Variants in TTC28 observed in about 807,000 individuals in gnomAD.
TTC28 encodes tetratricopeptide repeat domain 28, also known as tetratricopeptide repeat protein 28.
In TTC28, 61 loss-of-function variants were observed where a neutral mutation model predicts 198.0. The ratio of observed to expected loss-of-function variants is 0.31; its 90% CI spans 0.25 to 0.38. The LOEUF (loss-of-function observed/expected upper bound fraction) is 0.38. Ranked by LOEUF, TTC28 falls within the 10% of genes least tolerant of loss-of-function variation. The pLI, the probability that TTC28 is intolerant of heterozygous loss-of-function variation, is 1.00. For missense variants in TTC28, 2,678 were observed against 3,164.0 expected (o/e 0.85, Z 3.69); for synonymous variants, 1,171 against 1,297.8 (o/e 0.90, Z 2.10).
chr22:28,497,064 G>C (rs1246927970), intron 2 of TTC28, among the ~76,000 whole-genome samples: 1 of 152,036 alleles, frequency 6.6e-6, no homozygotes, highest in African/African-American at 2.4e-5. Flanking sequence ...GACCCTATTT[G>C]AAATTGTAAT....
intron 2 of TTC28, among the ~76,000 whole-genome samples, chr22:28,528,692 C>G (rs1297222077): frequency 7.2e-6 from 1 of 139,588 alleles, no homozygotes; most frequent in African/African-American, 2.6e-5. Context: ...ACTGAGATCA[C>G]ACCACTGCAT....
chr22:28,032,189 A>AT (rs1939127349), intron 12 of TTC28, among the ~76,000 whole-genome samples: 1 of 73,302 alleles, frequency 1.4e-5, no homozygotes, highest in Admixed American at 1.8e-4. Context: ...TATATATATA[A>AT]AATATATATA....
chr22:28,036,064 C>T (rs949444812), intron 12 of TTC28, among the ~76,000 whole-genome samples: 3 of 152,062 alleles, frequency 2.0e-5, no homozygotes, highest in Non-Finnish European at 4.4e-5. Flanking sequence ...ACCCCTCTGT[C>T]GATATTAGAC....
chr22:28,105,934 A>G lies in TTC28; in HGVS notation c.2784-132T>C, dbSNP rs140853036. 1,119 of 1,132,128 alleles carry G rather than the reference A, an allele frequency of 9.9e-4. 4 individuals are homozygous for G. The highest frequency in any genetic ancestry group is 7.2e-3 in the Middle Eastern group (24 of 3,340). 70.1% of individuals were successfully genotyped at this position (1,132,128 alleles called of 1,614,324 possible). A position where few individuals can be genotyped will look rare whatever the true frequency, so the allele number is the denominator to read the frequency against. The stretch of plus-strand genomic sequence containing the variant: ...AGCTCTTAACTCCTCTTCTAGCTAA[A>G]ATCTATCATGTGCCCTTAGAGTGAG... On this transcript the variant is annotated intron_variant, in intron 7 of 22. Coordinates refer to ENST00000397906, the MANE Select transcript of TTC28 (RefSeq NM_001145418.2).
intron 6 of TTC28, among the ~76,000 whole-genome samples, chr22:28,161,724 A>G (rs1372653850): frequency 6.1e-5 from 7 of 114,204 alleles, no homozygotes; most frequent in Non-Finnish European, 1.3e-4. Flanking sequence ...GAAAGGAAAG[A>G]GGACAGGACA....
chr22:28,155,825 G>A (rs1476388010), intron 6 of TTC28, among the ~76,000 whole-genome samples: 1 of 152,134 alleles, frequency 6.6e-6, no homozygotes, highest in Non-Finnish European at 1.5e-5. Flanking sequence ...CTATAATGTG[G>A]CATACAATAT....
chr22:28,298,967 A>T (rs534344909), intron 3 of TTC28, among the ~76,000 whole-genome samples: 3 of 152,224 alleles, frequency 2.0e-5, no homozygotes, highest in African/African-American at 7.2e-5. Context: ...GAATTTATTT[A>T]TTAAGATGGA....
At chr22:28,581,405 G>A (rs1284126282) in intron 2 of TTC28, among the ~76,000 whole-genome samples, 2 of 152,158 alleles carry the variant, frequency 1.3e-5, no homozygotes, top group Non-Finnish European at 2.9e-5. Flanking sequence ...GACATCCTTT[G>A]AGATAATACA....
chr22:28,052,367 C>T (rs1940121729), intron 12 of TTC28, among the ~76,000 whole-genome samples: 1 of 152,118 alleles, frequency 6.6e-6, no homozygotes. Flanking sequence ...ACTATTATTC[C>T]TATTTCGTAG....
At chr22:28,457,801 T>C (rs2047885695) in intron 2 of TTC28, among the ~76,000 whole-genome samples, 1 of 152,188 alleles carries the variant, frequency 6.6e-6, no homozygotes, top group Non-Finnish European at 1.5e-5. Context: ...GCCACATAAA[T>C]TTCAAATTAA....
rs1569094729 is a variant in TTC28, at chr22:28,032,192, TATATATATATAAAATATATATATATAAA to T, written c.3933-1854_3933-1827del. On this transcript the variant is annotated intron_variant, in intron 12 of 22. Coordinates refer to ENST00000397906, the MANE Select transcript of TTC28 (RefSeq NM_001145418.2). ...TGTATATATATATATATATATAAAA[TATATATATATAAAATATATATATATAAA>T]ATATATATATATAAAATATATATAT... Among the ~76,000 whole-genome samples, 28 of 112,526 alleles carry T rather than the reference TATATATATATAAAATATATATATATAAA, an allele frequency of 2.5e-4. No individual in the cohort carries two copies. The South Asian group carries it at 2.6e-3, about 11-fold the overall frequency. The allele number at this position is 112,526 out of a possible 152,430, so 73.8% of individuals were successfully genotyped here.
intron 2 of TTC28, among the ~76,000 whole-genome samples, chr22:28,510,624 C>G (rs139009891): frequency 6.6e-6 from 1 of 152,030 alleles, no homozygotes; most frequent in African/African-American, 2.4e-5. Flanking sequence ...AGGATGCCCC[C>G]TCTCCAACAT....
rs1314652343 is a variant in TTC28, at chr22:28,542,972, CT to C, written c.381+86579del. On this transcript the variant is annotated intron_variant, in intron 2 of 22. Coordinates refer to ENST00000397906, the MANE Select transcript of TTC28 (RefSeq NM_001145418.2). ...TCATGCTAGTAATCAAGAAATGCAA[CT>C]TAAAGCAATGTTGAGAAATGTTTTG... is the stretch of plus-strand genomic sequence containing the variant. Among the ~76,000 whole-genome samples, 8 of 152,280 alleles carry C rather than the reference CT, an allele frequency of 5.3e-5. No homozygotes were observed. The East Asian group carries it at 1.5e-3, about 29-fold the overall frequency.
intron 13 of TTC28, among the ~76,000 whole-genome samples, chr22:28,025,312 A>C (rs1548235): frequency 0.62 from 93,480 of 151,954 alleles, 29,573 homozygotes; most frequent in African/African-American, 0.75. Flanking sequence ...GTCATCATTA[A>C]CCTTATTGCA....
intron 7 of TTC28, among the ~76,000 whole-genome samples, chr22:28,106,694 G>A (rs1367030849): frequency 6.6e-6 from 1 of 152,092 alleles, no homozygotes; most frequent in Non-Finnish European, 1.5e-5. Context: ...AATGTGGGAG[G>A]TATTCAGAAA....
chr22:28,370,309 G>GT (rs137972734), intron 2 of TTC28, among the ~76,000 whole-genome samples: 141 of 152,224 alleles, frequency 9.3e-4, no homozygotes, highest in African/African-American at 3.2e-3. Context: ...AGAGAAGGTG[G>GT]TAACTGCTTC....
chr22:28,526,321 T>C (rs979046097), intron 2 of TTC28, among the ~76,000 whole-genome samples: 2 of 152,204 alleles, frequency 1.3e-5, no homozygotes, highest in Admixed American at 1.3e-4. Context: ...TTTTCGATAA[T>C]AAAATGCAGT....
chr22:28,199,548 T>TATATATATATATATATATATACACAC (rs60177369), intron 5 of TTC28, among the ~76,000 whole-genome samples: 99 of 147,442 alleles, frequency 6.7e-4, no homozygotes, highest in African/African-American at 2.3e-3. Context: ...TATATATATA[T>TATATATATATATATATATATACACAC]ACACACAAAC....
intron 5 of TTC28, among the ~76,000 whole-genome samples, chr22:28,251,589 G>A (rs1415809290): frequency 6.6e-6 from 1 of 152,138 alleles, no homozygotes; most frequent in Non-Finnish European, 1.5e-5. Flanking sequence ...ACTAACTGAA[G>A]TGTAAAGTGA....
Sources: gnomAD v4.1 joint callset for allele counts (sites outside exome capture counted in the v4.1 genomes callset) on GRCh38, gnomAD v4.1.1 for gene constraint, MANE v1.5 for transcripts, NCBI Gene and HGNC (gene_info 2026-07-23, HGNC 2026-07-21) for gene names.